Variants in GGT1 observed in about 807,000 individuals in gnomAD.
GGT1 encodes the protein gamma-glutamyltransferase 1.
In GGT1, 21 loss-of-function variants were observed where a neutral mutation model predicts 56.0. That is an observed-to-expected ratio of 0.38 (90% CI 0.27 to 0.54). GGT1 has a LOEUF of 0.54. Among genes scored for constraint, GGT1 ranks in the 20% least tolerant of loss-of-function variants. GGT1 has a pLI of 0.82. For missense variants in GGT1, 466 were observed against 787.0 expected, an observed-to-expected ratio of 0.59 and a Z score of 4.88; for synonymous variants, 238 against 342.6, an observed-to-expected ratio of 0.69 and a Z score of 3.37.
intron 1 of GGT1, among the ~76,000 whole-genome samples, chr22:24,604,057 T>C (rs1237899433): frequency 6.6e-6 from 1 of 152,072 alleles, no homozygotes; most frequent in Non-Finnish European, 1.5e-5. Flanking sequence ...GGGTGGAAAC[T>C]GTGAGAGACA....
chr22:24,599,721 T>G (rs2045751748), upstream of GGT1, among the ~76,000 whole-genome samples: 1 of 152,104 alleles, frequency 6.6e-6, no homozygotes, highest in African/African-American at 2.4e-5. Flanking sequence ...TCTGAAACAT[T>G]AGCCAGCAGG....
intron 1 of GGT1, among the ~76,000 whole-genome samples, chr22:24,604,369 G>A (rs1291973400): frequency 6.6e-6 from 1 of 152,130 alleles, no homozygotes; most frequent in Non-Finnish European, 1.5e-5. Context: ...CATCAAGCTG[G>A]GTTGAAGGAT....
intron 9 of GGT1, among the ~76,000 whole-genome samples, chr22:24,622,395 C>G (rs1199820466): frequency 8.6e-5 from 13 of 152,034 alleles, no homozygotes; most frequent in South Asian, 6.2e-4. Context: ...AAACCTGTCT[C>G]TACTAAAAAT....
chr22:24,626,238 C>T (rs1167789138), intron 11 of GGT1, among the ~76,000 whole-genome samples: 2 of 149,178 alleles, frequency 1.3e-5, no homozygotes, highest in Non-Finnish European at 3.0e-5. Context: ...GTGATCCGCC[C>T]TCCCAAAGTG....
At position 24,628,383 on chromosome 22, in the gene GGT1, G is replaced by A. The variant is rs547248952; in HGVS notation, c.1558G>A (p.Asp520Asn). The A allele has an allele frequency of 5.6e-6, 9 of 1,610,894 alleles. No homozygotes were observed. The highest frequency in any genetic ancestry group is 7.6e-6 in the Non-Finnish European group (9 of 1,179,874). Residue 520 changes from aspartate to asparagine, a missense_variant, in exon 15 of 16, where the codon GAC becomes AAC. Physicochemically the swap from Asp to Asn is conservative, Grantham distance 23 (BLOSUM62 1). Transcript: ENST00000400382. This position sits in a 1 kb window ranked among gnomAD's most constrained non-coding sequence, Gnocchi z 5.7. Reference protein sequence around the residue: ...PNVTTVERNIDQAVTAALETR... With the variant: ...PNVTTVERNINQAVTAALETR... ...CGTCACGACAGTGGAGAGAAACATT[G>A]ACCAGGTGGGCCGGGGGTTGGAGAA...
chr22:24,598,882 A>G (rs2045738078), upstream of GGT1, among the ~76,000 whole-genome samples: 1 of 152,052 alleles, frequency 6.6e-6, no homozygotes, highest in Non-Finnish European at 1.5e-5. Flanking sequence ...CCTTCCTGTC[A>G]GCCTCCACAT....
upstream of GGT1, chr22:24,592,795 T>TCCCAGACCCCCAGACC: frequency 1.6e-6 from 2 of 1,259,534 alleles, no homozygotes; most frequent in Non-Finnish European, 2.0e-6. Flanking sequence ...GCCCCGCGCC[T>TCCCAGACCCCCAGACC]CCCAGACCCC....
the GGT1 span, chr22:24,589,767 G>A: frequency 6.9e-7 from 1 of 1,453,908 alleles, no homozygotes; most frequent in Non-Finnish European, 9.1e-7. Context: ...GGGCTCTGTT[G>A]GCCCCCCTGT....
intron 1 of GGT1, among the ~76,000 whole-genome samples, chr22:24,597,175 G>A (rs899894480): frequency 1.1e-4 from 17 of 151,500 alleles, no homozygotes; most frequent in Non-Finnish European, 1.8e-4. Flanking sequence ...TAGAGACAGC[G>A]TTTCACCATA....
At chr22:24,592,317 G>A, upstream of GGT1, 2 of 470,166 alleles carry the variant, frequency 4.3e-6, no homozygotes, top group East Asian at 1.4e-4. Context: ...TTGGAGAACT[G>A]GTGATGCATG....
At chr22:24,586,501 C>T in the GGT1 span, 1 of 1,351,918 alleles carries the variant, frequency 7.4e-7, no homozygotes, top group South Asian at 1.4e-5. Flanking sequence ...ACAGCCCAGG[C>T]CTACAGTCTG....
chr22:24,606,297 C>G (rs2046320152), intron 1 of GGT1, among the ~76,000 whole-genome samples: 1 of 151,462 alleles, frequency 6.6e-6, no homozygotes, highest in Non-Finnish European at 1.5e-5. Flanking sequence ...TTCCCCTCAC[C>G]CCACAACAGG....
intron 1 of GGT1, among the ~76,000 whole-genome samples, chr22:24,595,982 G>A (rs1387113844): frequency 1.3e-5 from 2 of 152,216 alleles, no homozygotes; most frequent in Non-Finnish European, 2.9e-5. Flanking sequence ...AATGGTTTGG[G>A]GGCATTCGCT....
chr22:24,585,417 G>A, the GGT1 span, among the ~76,000 whole-genome samples: 1 of 152,284 alleles, frequency 6.6e-6, no homozygotes. Context: ...GTGAGGGCCC[G>A]CTCCCTGGAG....
rs779502535 is a variant in GGT1, at chr22:24,614,926, A to G, written c.295+20A>G. 1.3e-6 allele frequency: 2 copies of G among 1,540,026 alleles called. No homozygotes were observed. The highest frequency in any genetic ancestry group is 1.8e-4 in the Middle Eastern group (1 of 5,482). On this transcript the variant is annotated intron_variant, in intron 6 of 15. Coordinates refer to ENST00000400382, the MANE Select transcript of GGT1 (RefSeq NM_001288833.2). ...CCACACGTGAGTGCCTCGGGAGAGG[A>G]GAGGGAGAGGGGCAGGGGGTGTGGG...
At chr22:24,593,002 G>T, upstream of GGT1, 1 of 1,133,860 alleles carries the variant, frequency 8.8e-7, no homozygotes, top group Non-Finnish European at 1.1e-6. Context: ...CTCAGAGCCA[G>T]CCTCGGGCCC....
rs748652307 is a variant in GGT1, at chr22:24,614,760, A to G, written c.165-16A>G. ...GAAGCCTGCAGGTTCTCATGCCTTT[A>G]TGTGCCACATGGCAGGGATGCACTG... On this transcript the variant is annotated splice_polypyrimidine_tract_variant and intron_variant, in intron 5 of 15. Transcript: ENST00000400382. 89 of 1,612,942 alleles carry G rather than the reference A, an allele frequency of 5.5e-5. No individual in the cohort carries two copies. Among genetic ancestry groups the G allele is most frequent in the Non-Finnish European group, 7.1e-5 (84 of 1,179,536 alleles).
chr22:24,593,097 C>T, upstream of GGT1: 1 of 1,034,160 alleles, frequency 9.7e-7, no homozygotes, highest in East Asian at 8.4e-5. Flanking sequence ...CGCCCCGCTC[C>T]CGGGGCCGCC....
At chr22:24,616,690 G>T (rs1390128666) in intron 7 of GGT1, among the ~76,000 whole-genome samples, 1 of 151,160 alleles carries the variant, frequency 6.6e-6, no homozygotes, top group African/African-American at 2.4e-5. Context: ...GACTACAGGC[G>T]CCTGCCACCA....
Sources: gnomAD v4.1 joint callset for allele counts (sites outside exome capture counted in the v4.1 genomes callset) on GRCh38, gnomAD v4.1.1 for gene constraint, Gnocchi (gnomAD v3.1) non-coding constraint, MANE v1.5 for transcripts, NCBI Gene and HGNC (gene_info 2026-07-23, HGNC 2026-07-21) for gene names.